Variants in FNDC3A observed in about 807,000 individuals in gnomAD.
FNDC3A encodes fibronectin type-III domain-containing protein 3A.
FNDC3A carries 32 observed loss-of-function variants against 148.9 expected under a neutral mutation model. The observed-to-expected ratio is 0.21, with a 90% CI of 0.16 to 0.29. The LOEUF is 0.29. Among genes scored for constraint, FNDC3A ranks in the 10% least tolerant of loss-of-function variants. FNDC3A has a pLI of 1.00. For synonymous variants in FNDC3A, 472 were observed against 473.6 expected (o/e 1.00, Z 0.04); for missense variants, 1,191 against 1,452.8 (o/e 0.82, Z 2.93).
chr13:48,977,861 C>G (rs1357736008), intron 1 of FNDC3A, among the ~76,000 whole-genome samples: 1 of 152,070 alleles, frequency 6.6e-6, no homozygotes, highest in Non-Finnish European at 1.5e-5. Flanking sequence ...CATAGATCAT[C>G]TGTTAGTTTT....
chr13:48,988,010 G>C (rs1182694943), intron 1 of FNDC3A: 14 of 152,148 alleles, frequency 9.2e-5, no homozygotes. Context: ...GAAGCGTTCT[G>C]TATTTTTCAG....
chr13:49,040,817 C>CGAG (rs1352766104), intron 2 of FNDC3A, among the ~76,000 whole-genome samples: 4 of 152,128 alleles, frequency 2.6e-5, no homozygotes, highest in African/African-American at 9.7e-5. Flanking sequence ...ACCAGGGTTC[C>CGAG]TCACCTGTCA....
chr13:49,077,325 T>C (rs900982093), intron 3 of FNDC3A, among the ~76,000 whole-genome samples: 2 of 152,208 alleles, frequency 1.3e-5, no homozygotes, highest in African/African-American at 4.8e-5. Flanking sequence ...CTGTATACTT[T>C]GTCATCTTTC....
intron 13 of FNDC3A, among the ~76,000 whole-genome samples, chr13:49,178,000 T>C (rs1885115333): frequency 6.6e-6 from 1 of 152,100 alleles, no homozygotes; most frequent in South Asian, 2.1e-4. Context: ...AATGGTGAAT[T>C]TTACAGTATA....
intron 5 of FNDC3A, among the ~76,000 whole-genome samples, chr13:49,134,841 CTTTTTTTTTTT>C (rs1168216037): frequency 3.8e-4 from 1 of 2,636 alleles, no homozygotes; most frequent in African/African-American, 1.8e-3. Flanking sequence ...GAGTTTCACT[CTTTTTTTTTTT>C]TTTTTTTTTT....
chr13:49,179,799 A>T (rs1159507915), intron 14 of FNDC3A, among the ~76,000 whole-genome samples: 1 of 152,160 alleles, frequency 6.6e-6, no homozygotes, highest in Admixed American at 6.5e-5. Context: ...CTGGCACAAG[A>T]TTTCTAGTCT....
intron 3 of FNDC3A, among the ~76,000 whole-genome samples, chr13:49,113,935 A>G (rs1447657422): frequency 6.6e-6 from 1 of 152,228 alleles, no homozygotes; most frequent in Non-Finnish European, 1.5e-5. Flanking sequence ...ATAAAAGTTA[A>G]TTGGAAAACC....
At chr13:49,027,829 T>C (rs1388667446) in intron 2 of FNDC3A, among the ~76,000 whole-genome samples, 1 of 151,892 alleles carries the variant, frequency 6.6e-6, no homozygotes, top group Non-Finnish European at 1.5e-5. Context: ...CAGAGCAAAA[T>C]AGCAAACTGA....
At chr13:49,127,623 C>T (rs556102232) in intron 4 of FNDC3A, among the ~76,000 whole-genome samples, 1 of 152,322 alleles carries the variant, frequency 6.6e-6, no homozygotes, top group African/African-American at 2.4e-5. Context: ...CCTTCTGCCT[C>T]GCTTGGTCAT....
intron 2 of FNDC3A, among the ~76,000 whole-genome samples, chr13:49,053,172 A>G (rs538901657): frequency 6.6e-6 from 1 of 152,176 alleles, no homozygotes; most frequent in Admixed American, 6.5e-5. Flanking sequence ...AAGCAAGCAG[A>G]CTCACAGTTT....
intron 2 of FNDC3A, among the ~76,000 whole-genome samples, chr13:49,012,136 G>C (rs1952360393): frequency 1.3e-5 from 2 of 150,966 alleles, no homozygotes; most frequent in African/African-American, 4.9e-5. Context: ...TTTTTTTTGA[G>C]ACGGAGTCTT....
At chr13:49,182,300 T>G (rs975660669) in intron 14 of FNDC3A, among the ~76,000 whole-genome samples, 1 of 152,132 alleles carries the variant, frequency 6.6e-6, no homozygotes, top group East Asian at 1.9e-4. Flanking sequence ...AAAATAAAAT[T>G]TTAAAGCACA....
intron 1 of FNDC3A, among the ~76,000 whole-genome samples, chr13:48,983,576 T>C (rs2137548981): frequency 6.6e-6 from 1 of 152,342 alleles, no homozygotes; most frequent in East Asian, 1.9e-4. Flanking sequence ...CAGACCAGAT[T>C]TGGCCCACAG....
intron 2 of FNDC3A, among the ~76,000 whole-genome samples, chr13:49,073,842 A>G (rs1012730410): frequency 1.4e-5 from 2 of 147,426 alleles, no homozygotes; most frequent in Non-Finnish European, 3.0e-5. Flanking sequence ...ATATGTGTGT[A>G]TATGTATATA....
At chr13:49,193,407 C>G (rs1382487869) in intron 19 of FNDC3A, among the ~76,000 whole-genome samples, 3 of 152,058 alleles carry the variant, frequency 2.0e-5, no homozygotes, top group Non-Finnish European at 4.4e-5. Flanking sequence ...ACTATAGGTG[C>G]ACACCACCAT....
chr13:49,119,067 C>T (rs532505020), intron 4 of FNDC3A, among the ~76,000 whole-genome samples: 3 of 152,224 alleles, frequency 2.0e-5, no homozygotes, highest in Non-Finnish European at 2.9e-5. Context: ...CTGGGAGACA[C>T]CTTCCAGCAG....
In FNDC3A at chr13:49,017,408, A is replaced by G. The variant is rs1487335176; in HGVS notation, c.99+11119A>G. On this transcript the variant is annotated intron_variant, in intron 2 of 25. Transcript: ENST00000492622. Reference sequence around the variant, plus strand: ...TGTTGGTTTAAAGTCGTTTTATTAGATACTAGGATTGCAACCCCTGCCTTT... The same window carrying G: ...TGTTGGTTTAAAGTCGTTTTATTAGGTACTAGGATTGCAACCCCTGCCTTT... Among the ~76,000 whole-genome samples the G allele has an allele frequency of 3.9e-5, 6 of 152,068 alleles. No individual in the cohort carries two copies. In the East Asian group the frequency reaches 1.2e-3, roughly 29 times the overall value.
chr13:49,065,163 C>T (rs568138644), intron 2 of FNDC3A, among the ~76,000 whole-genome samples: 12 of 152,242 alleles, frequency 7.9e-5, no homozygotes, highest in East Asian at 3.9e-4. Flanking sequence ...TACTTAAAGA[C>T]GTATAGAGTC....
At chr13:48,978,311 A>G (rs1048935111) in intron 1 of FNDC3A, among the ~76,000 whole-genome samples, 2 of 152,194 alleles carry the variant, frequency 1.3e-5, no homozygotes, top group Non-Finnish European at 2.9e-5. Context: ...CCCGAAAAAA[A>G]GAGGGAATGC....
Sources: allele counts gnomAD v4.1 joint callset (sites outside exome capture counted in the v4.1 genomes callset), GRCh38; gene constraint gnomAD v4.1.1; transcripts MANE v1.5; gene names NCBI Gene and HGNC (gene_info 2026-07-23, HGNC 2026-07-21).